Variants in DCHS1 observed in about 807,000 individuals in gnomAD.
DCHS1 encodes dachsous cadherin-related 1.
In DCHS1, 78 loss-of-function variants were observed where a neutral mutation model predicts 213.9. The observed-to-expected ratio is 0.36, with a 90% CI of 0.30 to 0.44. DCHS1 has a LOEUF of 0.44. Among genes scored for constraint, DCHS1 ranks in the 20% least tolerant of loss-of-function variants. The pLI is 1.00. For synonymous variants in DCHS1, 1,828 were observed against 1,873.7 expected, an observed-to-expected ratio of 0.98 and a Z score of 0.63; for missense variants, 3,946 against 4,395.9, an observed-to-expected ratio of 0.90 and a Z score of 2.89.
chr11:6,630,685 AC>A lies in DCHS1; in HGVS notation c.4108del (p.Val1370TrpfsTer199). 1.3e-6 allele frequency: 2 copies of A among 1,538,406 alleles called. No individual in the cohort carries two copies. The highest frequency in any genetic ancestry group is 2.4e-5 in the East Asian group (1 of 40,950). On this transcript the variant is annotated frameshift_variant, in exon 10 of 21. Coordinates refer to ENST00000299441, the MANE Select transcript of DCHS1 (RefSeq NM_003737.4). LOFTEE classifies it high-confidence loss of function. Reference sequence around the variant, plus strand: ...GGTGCCCTCGGGATCGGCACCGCCCACCAGTGTGTAGGTGAGTGCACCCACA... The same window carrying A: ...GGTGCCCTCGGGATCGGCACCGCCCACAGTGTGTAGGTGAGTGCACCCACA... The part of the protein sequence containing the change: ...AGVGALTYTL[V>X]GGADPEGTFA...
chr11:6,650,510 G>A (rs1329312115), intron 1 of DCHS1, among the ~76,000 whole-genome samples: 2 of 152,228 alleles, frequency 1.3e-5, no homozygotes, highest in African/African-American at 4.8e-5. Context: ...TCAGAGAAGA[G>A]AGAGTCCAGT....
chr11:6,648,350 G>A (rs1564871806), intron 1 of DCHS1, among the ~76,000 whole-genome samples: 1 of 152,158 alleles, frequency 6.6e-6, no homozygotes, highest in African/African-American at 2.4e-5. Flanking sequence ...AGTTAAGGGA[G>A]AAAACATTTC....
chr11:6,638,601 G>C (rs1416835417), intron 2 of DCHS1, among the ~76,000 whole-genome samples: 1 of 152,090 alleles, frequency 6.6e-6, no homozygotes, highest in African/African-American at 2.4e-5. Context: ...AGTTCTTCAA[G>C]GCCCCTCCTC....
Position 6,628,821 on chromosome 11 carries a change from T to C in DCHS1, c.5171A>G (p.Gln1724Arg). 1 of 1,613,234 alleles carries C rather than the reference T, an allele frequency of 6.2e-7. No individual in the cohort carries two copies. The highest frequency in any genetic ancestry group is 1.3e-5 in the African/African-American group (1 of 75,060). ...TAACTGAGGAGGTGAGCCCCTGTCC[T>C]GGGCATACACTGTGGGGAAGCAAAA... ...QEEINLTVYA[Q>R]DRGSPPQLTH... The change falls in exon 13 of 21, where the codon CAG (glutamine) becomes CGG (arginine). Residue 1724 changes from glutamine to arginine, a missense_variant. This residue lies in a region of DCHS1 where 3,384 missense variants were observed against 3,780.1 expected (regional missense o/e 0.90). Coordinates refer to ENST00000299441, the MANE Select transcript of DCHS1 (RefSeq NM_003737.4). This position sits in a 1 kb window ranked among gnomAD's most constrained non-coding sequence, Gnocchi z 4.3.
At chr11:6,647,286 A>C (rs898561269) in intron 1 of DCHS1, among the ~76,000 whole-genome samples, 1 of 152,156 alleles carries the variant, frequency 6.6e-6, no homozygotes, top group Non-Finnish European at 1.5e-5. Context: ...TAATTCAGAA[A>C]GGGGAGGTGA....
chr11:6,643,315 C>T (rs1813212540), intron 1 of DCHS1, among the ~76,000 whole-genome samples: 1 of 152,004 alleles, frequency 6.6e-6, no homozygotes, highest in South Asian at 2.1e-4. Flanking sequence ...TTTTCATTTC[C>T]CCCATTTTCT....
Position 6,655,570 on chromosome 11 carries a change from C to A in DCHS1, c.-128G>T. ...GCGGGCGCGGGCACTGACCTCCGCGCGACGCGGGCTCCCTCGCCCGGTGCT... is the reference window on the plus strand; with the variant it reads ...GCGGGCGCGGGCACTGACCTCCGCGAGACGCGGGCTCCCTCGCCCGGTGCT... On this transcript the variant is annotated 5_prime_UTR_variant, in exon 1 of 21. Coordinates refer to ENST00000299441, the MANE Select transcript of DCHS1 (RefSeq NM_003737.4). 1.0e-6 allele frequency: 1 copy of A among 980,734 alleles called. No homozygotes were observed. Among genetic ancestry groups the A allele is most frequent in the Non-Finnish European group, 1.2e-6 (1 of 828,140 alleles). 60.8% of individuals were successfully genotyped at this position (980,734 alleles called of 1,614,324 possible). A position where few individuals can be genotyped will look rare whatever the true frequency, so the allele number is the denominator to read the frequency against.
rs1855816625 is a variant in DCHS1, at chr11:6,627,011, C to T, written c.6028G>A (p.Gly2010Ser). 11 of 1,613,598 alleles carry T rather than the reference C, an allele frequency of 6.8e-6. No individual in the cohort carries two copies. The highest frequency in any genetic ancestry group is 9.3e-6 in the Non-Finnish European group (11 of 1,179,810). ...LYRLAGTPPP[G>S]TTVDSYTGEI... is the part of the protein sequence containing the mutation. ...CCAGTGTAAGAGTCCACAGTAGTGC[C>T]AGGAGGTGGTGTGCCTGCCAGCCGG... The change falls in exon 14 of 21, where the codon GGC becomes AGC. Residue 2010 changes from glycine to serine, a missense_variant. Physicochemically the swap from Gly to Ser is moderately conservative, Grantham distance 56 (BLOSUM62 0). This residue lies in a region of DCHS1 where 3,384 missense variants were observed against 3,780.1 expected (regional missense o/e 0.90). Coordinates refer to ENST00000299441, the MANE Select transcript of DCHS1 (RefSeq NM_003737.4). This position sits in a 1 kb window ranked among gnomAD's most constrained non-coding sequence, Gnocchi z 5.4.
In DCHS1 at chr11:6,627,401, G is replaced by A. The variant is rs1404248362; in HGVS notation, c.5638C>T (p.His1880Tyr). The A allele has an allele frequency of 1.2e-6, 2 of 1,609,496 alleles. No homozygotes were observed. Among genetic ancestry groups the A allele is most frequent in the Non-Finnish European group, 1.7e-6 (2 of 1,177,998 alleles). Residue 1880 changes from histidine to tyrosine, a missense_variant, in exon 14 of 21, where the codon CAT becomes TAT. By Grantham distance (83) the His-to-Tyr change is moderately conservative. Around this residue, in one of 3 missense-constraint regions of DCHS1, gnomAD observed 3,384 missense variants for 3,780.1 expected, o/e 0.90. Transcript: ENST00000299441. The surrounding 1 kb of genome is among the most constrained non-coding windows in gnomAD (Gnocchi z 5.4). ...AGTLLLQLQA[H>Y]DPDAGANGHV... Reference sequence around the variant, plus strand: ...CCATTAGCTCCAGCATCAGGGTCATGAGCCTGTAGCTGCAGCAGCAGGGTC... The same window carrying A: ...CCATTAGCTCCAGCATCAGGGTCATAAGCCTGTAGCTGCAGCAGCAGGGTC...
In DCHS1 at chr11:6,641,435, A is replaced by G; in HGVS notation, c.179T>C (p.Leu60Pro). The change falls in exon 2 of 21, where the codon CTG becomes CCG. Residue 60 changes from leucine to proline, a missense_variant. Leu to Pro is a moderately conservative substitution (Grantham distance 98). Transcript: ENST00000299441. This position sits in a 1 kb window ranked among gnomAD's most constrained non-coding sequence, Gnocchi z 7.1. The part of the protein sequence containing the change: ...QIDEEQPAGT[L>P]IGDISAGLPA... ...AAGCCCCGCACTGATGTCGCCAATC[A>G]GTGTACCCGCTGGCTGCTCCTCATC... The G allele has an allele frequency of 6.2e-7, 1 of 1,611,462 alleles. No individual in the cohort carries two copies. Among genetic ancestry groups the G allele is most frequent in the Non-Finnish European group, 8.5e-7 (1 of 1,179,086 alleles).
chr11:6,643,057 G>T (rs1856103596), intron 1 of DCHS1, among the ~76,000 whole-genome samples: 1 of 152,170 alleles, frequency 6.6e-6, no homozygotes, highest in South Asian at 2.1e-4. Context: ...TGAACTACCA[G>T]CTGGATAAAG....
intron 5 of DCHS1, 59 bp downstream of exon 5, chr11:6,633,353 G>T: frequency 6.7e-7 from 1 of 1,483,864 alleles, no homozygotes; most frequent in South Asian, 1.3e-5. Flanking sequence ...GGATGGTGCT[G>T]GAGGGTTATA....
chr11:6,624,583 G>T, intron 20 of DCHS1, 147 bp downstream of exon 20: 5 of 1,361,348 alleles, frequency 3.7e-6, no homozygotes, highest in South Asian at 1.4e-5. Context: ...TCAACAAGGG[G>T]CTTATAATGA....
At position 6,627,787 on chromosome 11, in the gene DCHS1, A is replaced by G; in HGVS notation, c.5372-120T>C. On this transcript the variant is annotated intron_variant, in intron 13 of 20. Coordinates refer to ENST00000299441, the MANE Select transcript of DCHS1 (RefSeq NM_003737.4). This position sits in a 1 kb window ranked among gnomAD's most constrained non-coding sequence, Gnocchi z 5.4. Reference sequence around the variant, plus strand: ...CAAGTGAACCTTATGAGAGAAAGGAAGAAAAACAGAAACAGAAAGTAAAAG... The same window carrying G: ...CAAGTGAACCTTATGAGAGAAAGGAGGAAAAACAGAAACAGAAAGTAAAAG... 9.0e-7 allele frequency: 1 copy of G among 1,105,980 alleles called. No homozygotes were observed. Among genetic ancestry groups the G allele is most frequent in the Non-Finnish European group, 1.3e-6 (1 of 798,314 alleles). 68.5% of individuals were successfully genotyped at this position (1,105,980 alleles called of 1,614,324 possible).
rs201659162 is a variant in DCHS1 at position 6,626,711 on chromosome 11, G to A, written c.6251-46C>T. ...TTGGACTGTGAGCGCGAGACTGGGA[G>A]AGTTTGGGGGACATTTTCAAAGCAC... On this transcript the variant is annotated intron_variant, in intron 14 of 20. Coordinates refer to ENST00000299441, the MANE Select transcript of DCHS1 (RefSeq NM_003737.4). This position sits in a 1 kb window ranked among gnomAD's most constrained non-coding sequence, Gnocchi z 5.2. 6.2e-7 allele frequency: 1 copy of A among 1,610,952 alleles called. No individual in the cohort carries two copies. The highest frequency in any genetic ancestry group is 8.5e-7 in the Non-Finnish European group (1 of 1,178,628).
Position 6,630,525 on chromosome 11 carries a change from C to T in DCHS1, c.4269G>A (p.Gln1423=), listed in dbSNP as rs1855888041. 6.5e-7 allele frequency: 1 copy of T among 1,537,252 alleles called. No individual in the cohort carries two copies. Among genetic ancestry groups the T allele is most frequent in the Non-Finnish European group, 8.7e-7 (1 of 1,148,594 alleles). The change falls in exon 10 of 21, where the codon CAG becomes CAA. Residue 1423 remains glutamine, a synonymous_variant. Transcript: ENST00000299441. ...GCTCATTCTCGTCCTGCACTTGCAC[C>T]TGCACTCGCAGCAGCCGCGCGCCCG... is the stretch of plus-strand genomic sequence containing the variant. ...GGAGARLLRV[Q]VQVQDENEHA... is the part of the protein sequence containing the mutation.
rs1855739926 is a variant in DCHS1, at chr11:6,623,462, A to C, written c.8214T>G (p.Phe2738Leu). Residue 2738 changes from phenylalanine (F) to leucine (L), a missense_variant, in exon 21 of 21, where the codon TTT becomes TTG. Around this residue, in one of 3 missense-constraint regions of DCHS1, gnomAD observed 3,384 missense variants for 3,780.1 expected, o/e 0.90. Transcript: ENST00000299441. ...CCAACAGGCTGTAACGGAGCCTCCC[A>C]AAAGCCCCAGCATCCCCGTCGATTG... Reference protein sequence around the residue: ...LHAIDGDAGAFGRLRYSLLEA... With the variant: ...LHAIDGDAGALGRLRYSLLEA... The C allele has an allele frequency of 6.3e-7, 1 of 1,581,720 alleles. No homozygotes were observed. Among genetic ancestry groups the C allele is most frequent in the Non-Finnish European group, 8.6e-7 (1 of 1,164,034 alleles).
rs374487677 is a variant in DCHS1 at position 6,624,243 on chromosome 11, T to C, written c.7433A>G (p.His2478Arg). 24 of 1,612,404 alleles carry C rather than the reference T, an allele frequency of 1.5e-5. No homozygotes were observed. The highest frequency in any genetic ancestry group is 2.0e-5 in the Non-Finnish European group (23 of 1,179,470). ...GTGTGACAATGTGAAGCTCGGGGCG[T>C]GGTCGTTCTGGTCCTGCAGCTGCAC... ...VHVQLQDQND[H>R]APSFTLSHYR... Residue 2478 changes from histidine (H) to arginine (R), a missense_variant, in exon 21 of 21, where the codon CAC becomes CGC. By Grantham distance (29) the His-to-Arg change is conservative. Transcript: ENST00000299441.
In DCHS1 at chr11:6,626,873, C is replaced by A. The variant is rs1855814110; in HGVS notation, c.6166G>T (p.Val2056Phe). 6.2e-7 allele frequency: 1 copy of A among 1,613,452 alleles called. No homozygotes were observed. The highest frequency in any genetic ancestry group is 8.5e-7 in the Non-Finnish European group (1 of 1,179,896). Residue 2056 changes from valine (V) to phenylalanine (F), a missense_variant, in exon 14 of 21, where the codon GTT becomes TTT. By Grantham distance (50) the Val-to-Phe change is conservative. Around this residue, in one of 3 missense-constraint regions of DCHS1, gnomAD observed 3,384 missense variants for 3,780.1 expected, o/e 0.90. Transcript: ENST00000299441. The surrounding 1 kb of genome is among the most constrained non-coding windows in gnomAD (Gnocchi z 5.2). ...CGCTCAGCTTCCCCCTGCAGTCCAA[C>A]AATGATCACACCAGTGGCAGAGCGA... Reference protein sequence around the residue: ...PARSATGVIIVGLQGEAERGP... With the variant: ...PARSATGVIIFGLQGEAERGP...
Sources: gnomAD v4.1 joint callset for allele counts (sites outside exome capture counted in the v4.1 genomes callset) on GRCh38, gnomAD v4.1.1 for gene constraint, gnomAD v4.1.1 regional missense constraint, Gnocchi (gnomAD v3.1) non-coding constraint, MANE v1.5 for transcripts, NCBI Gene and HGNC (gene_info 2026-07-23, HGNC 2026-07-21) for gene names.